The following DGKB variants were observed in gnomAD, a reference collection of about 807,000 sequenced individuals.
DGKB encodes diacylglycerol kinase beta.
DGKB carries 67 observed loss-of-function variants against 114.3 expected under a neutral mutation model. That is an observed-to-expected ratio of 0.59 (90% CI 0.48 to 0.72). DGKB has a LOEUF of 0.72. DGKB is among the 30% of genes least tolerant of loss of function. DGKB has a pLI of 0.00. For missense variants in DGKB, 907 were observed against 975.2 expected (o/e 0.93, Z 0.93); for synonymous variants, 398 against 323.1 (o/e 1.23, Z -2.49).
At chr7:14,386,885 T>C (rs975988465) in intron 21 of DGKB, among the ~76,000 whole-genome samples, 1 of 152,066 alleles carries the variant, frequency 6.6e-6, no homozygotes, top group African/African-American at 2.4e-5. Context: ...TTTAAAATTA[T>C]CTAGTAGAAG....
chr7:14,312,374 G>A (rs1166975579), intron 23 of DGKB, among the ~76,000 whole-genome samples: 1 of 152,192 alleles, frequency 6.6e-6, no homozygotes, highest in Non-Finnish European at 1.5e-5. Context: ...TTGCACTGAT[G>A]AAGCAAAACA....
chr7:14,757,462 G>A (rs991052037), intron 3 of DGKB, among the ~76,000 whole-genome samples, 193 bp downstream of exon 3: 2 of 148,562 alleles, frequency 1.3e-5, no homozygotes, highest in South Asian at 2.1e-4. Flanking sequence ...CATGGTAAAT[G>A]GTTTATGGTG....
chr7:14,905,754 G>C (rs1352939481), upstream of DGKB, among the ~76,000 whole-genome samples: 1 of 152,206 alleles, frequency 6.6e-6, no homozygotes, highest in Non-Finnish European at 1.5e-5. Flanking sequence ...TGTTTGCTTA[G>C]TTCATTCATG....
At chr7:14,582,528 C>T (rs1800091116) in intron 18 of DGKB, among the ~76,000 whole-genome samples, 1 of 152,040 alleles carries the variant, frequency 6.6e-6, no homozygotes, top group Non-Finnish European at 1.5e-5. Context: ...GTTTTAGGTT[C>T]CCTATCTCTA....
At chr7:14,901,439 C>T (rs1300053141) in intron 1 of DGKB, among the ~76,000 whole-genome samples, 5 of 152,152 alleles carry the variant, frequency 3.3e-5, no homozygotes, top group Admixed American at 6.6e-5. Context: ...ATATGCTAGC[C>T]TATGGACGTA....
At chr7:14,191,619 T>C (rs1784328182) in intron 23 of DGKB, 1 of 273,602 alleles carries the variant, frequency 3.7e-6, no homozygotes, top group Non-Finnish European at 7.6e-6. Flanking sequence ...CCAGTCAATG[T>C]TACAACTGAA....
chr7:14,447,674 C>A (rs1584010765), intron 21 of DGKB, among the ~76,000 whole-genome samples: 1 of 152,182 alleles, frequency 6.6e-6, no homozygotes, highest in Non-Finnish European at 1.5e-5. Context: ...ATGTCCGGAT[C>A]TCACAGATGA....
chr7:14,366,207 T>C (rs1433585765), intron 21 of DGKB, among the ~76,000 whole-genome samples: 1 of 152,166 alleles, frequency 6.6e-6, no homozygotes, highest in Non-Finnish European at 1.5e-5. Context: ...TAGATTACAA[T>C]TTTAAACTGT....
chr7:14,309,208 C>A (rs939218108), intron 23 of DGKB, among the ~76,000 whole-genome samples: 16 of 151,898 alleles, frequency 1.1e-4, no homozygotes, highest in African/African-American at 3.6e-4. Context: ...AGAGTGAGAC[C>A]CTGTCTCAAA....
chr7:14,224,894 T>G (rs1041096380), intron 23 of DGKB, among the ~76,000 whole-genome samples: 2 of 152,050 alleles, frequency 1.3e-5, no homozygotes, highest in Non-Finnish European at 2.9e-5. Flanking sequence ...CCCTGGTGCA[T>G]AGATTGCTTG....
chr7:14,684,326 A>G (rs147293645), intron 10 of DGKB, among the ~76,000 whole-genome samples: 1 of 152,288 alleles, frequency 6.6e-6, no homozygotes, highest in African/African-American at 2.4e-5. Flanking sequence ...GAAGCCAGTA[A>G]GAAATTAGAT....
rs1053056914 is a variant in DGKB at position 14,146,677 on chromosome 7, G to A, written c.*2454C>T. The A allele has an allele frequency of 1.3e-5, 2 of 151,984 alleles. No homozygotes were observed. Among genetic ancestry groups the A allele is most frequent in the African/African-American group, 4.8e-5 (2 of 41,366 alleles). The allele number at this position is 151,984 out of a possible 1,614,324, so 9.4% of individuals were successfully genotyped here. A position where few individuals can be genotyped will look rare whatever the true frequency, so the allele number is the denominator to read the frequency against. ...ACCCCAGGGGCAGTATACTTGAAGG[G>A]GCAAGTACATCAGTGTATTTAGAAA... On this transcript the variant is annotated 3_prime_UTR_variant, in exon 26 of 26. Transcript: ENST00000402815.
intron 21 of DGKB, among the ~76,000 whole-genome samples, chr7:14,436,262 A>C (rs10215373): frequency 0.027 from 4,088 of 152,234 alleles, 204 homozygotes; most frequent in African/African-American, 0.093. Flanking sequence ...GAACTTTAAA[A>C]ATTAATTTCC....
At position 14,809,176 on chromosome 7, in the gene DGKB, C is replaced by T. The variant is rs565773874; in HGVS notation, c.70+32018G>A. ...GAATATCTCAAAAGAAATTCTATCC[C>T]GAAATTTAAGAATTCTAACTATATT... On this transcript the variant is annotated intron_variant, in intron 2 of 25. Coordinates refer to ENST00000402815, the MANE Select transcript of DGKB (RefSeq NM_001350709.2). Among the ~76,000 whole-genome samples, 221 of 151,896 alleles carry T rather than the reference C, an allele frequency of 1.5e-3. 1 individual carries two copies. The highest frequency in any genetic ancestry group is 2.9e-3 in the Admixed American group (44 of 15,220).
chr7:14,597,582 T>A (rs1468991506), intron 17 of DGKB, among the ~76,000 whole-genome samples: 1 of 152,194 alleles, frequency 6.6e-6, no homozygotes, highest in East Asian at 1.9e-4. Context: ...GATTTCTATA[T>A]GCTGATAACC....
intron 21 of DGKB, among the ~76,000 whole-genome samples, chr7:14,429,304 A>G (rs1388196383): frequency 2.6e-5 from 4 of 152,066 alleles, no homozygotes; most frequent in Non-Finnish European, 5.9e-5. Context: ...AGAGGAGATA[A>G]CTTGCTCTCT....
intron 23 of DGKB, among the ~76,000 whole-genome samples, chr7:14,221,264 G>C (rs1789908520): frequency 6.6e-6 from 1 of 151,132 alleles, no homozygotes; most frequent in African/African-American, 2.4e-5. Context: ...ACTTATTTCT[G>C]AATAAAGCAT....
intron 23 of DGKB, among the ~76,000 whole-genome samples, chr7:14,320,473 T>G (rs1672934142): frequency 6.6e-6 from 1 of 152,114 alleles, no homozygotes; most frequent in Admixed American, 6.6e-5. Context: ...TGTGATTCTC[T>G]TATTGAAGTG....
rs1781351803 is a variant in DGKB, at chr7:14,145,187, CA to C, written c.*3943del. Reference sequence around the variant, plus strand: ...AGAATCTCTCAAATGTGAGTTTACTCAAACTTTATTTAAATATAGCAGAATT... The same window carrying C: ...AGAATCTCTCAAATGTGAGTTTACTCAACTTTATTTAAATATAGCAGAATT... On this transcript the variant is annotated 3_prime_UTR_variant, in exon 26 of 26. Coordinates refer to ENST00000402815, the MANE Select transcript of DGKB (RefSeq NM_001350709.2). 1 of 152,090 alleles carries C rather than the reference CA, an allele frequency of 6.6e-6. No homozygotes were observed. Among genetic ancestry groups the C allele is most frequent in the Non-Finnish European group, 1.5e-5 (1 of 68,018 alleles). 9.4% of individuals were successfully genotyped at this position (152,090 alleles called of 1,614,324 possible). A position where few individuals can be genotyped will look rare whatever the true frequency, so the allele number is the denominator to read the frequency against.
Sources: allele counts gnomAD v4.1 joint callset (sites outside exome capture counted in the v4.1 genomes callset), GRCh38; gene constraint gnomAD v4.1.1; transcripts MANE v1.5; gene names NCBI Gene and HGNC (gene_info 2026-07-23, HGNC 2026-07-21).